The following TNS3 variants were observed in gnomAD, a reference collection of about 807,000 sequenced individuals.
The protein encoded by TNS3 is tensin-3.
A neutral mutation model predicts 140.9 loss-of-function variants in TNS3; 45 were observed. The observed-to-expected ratio is 0.32, with a 90% CI of 0.25 to 0.41. TNS3 has a LOEUF of 0.41. Among genes scored for constraint, TNS3 ranks in the 10% least tolerant of loss-of-function variants. The pLI is 1.00. For synonymous variants in TNS3, 815 were observed against 788.4 expected, an observed-to-expected ratio of 1.03 and a Z score of -0.56; for missense variants, 1,716 against 1,906.7, an observed-to-expected ratio of 0.90 and a Z score of 1.86.
At chr7:47,470,622 G>A (rs768669582) in intron 4 of TNS3, 1,361 of 985,444 alleles carry the variant, frequency 1.4e-3, no homozygotes, top group Admixed American at 2.0e-3. Flanking sequence ...CCCCAGCGCA[G>A]AGAAATGCAG....
intron 1 of TNS3, among the ~76,000 whole-genome samples, chr7:47,545,622 G>A (rs1185254491): frequency 6.6e-6 from 1 of 152,192 alleles, no homozygotes; most frequent in African/African-American, 2.4e-5. Context: ...TGGGAGGCGG[G>A]TCACCCACAG....
rs531561984 is a variant in TNS3, at chr7:47,368,477, G to A, written c.2169C>T (p.Leu723=). Residue 723 remains leucine (L), a synonymous_variant, in exon 17 of 31, where the codon CTC becomes CTT. Transcript: ENST00000311160. The stretch of plus-strand genomic sequence containing the variant: ...ACACAGAGCCATTGGCCTGGCTACC[G>A]AGGGCGTTCATGTGGGTAGGGATGG... ...FEPIPTHMNA[L]GSQANGSVSP... is the part of the protein sequence containing the mutation. 13 of 1,592,340 alleles carry A rather than the reference G, an allele frequency of 8.2e-6. No homozygotes were observed. The highest frequency in any genetic ancestry group is 4.0e-5 in the African/African-American group (3 of 74,618).
chr7:47,425,785 A>C (rs932709365), intron 9 of TNS3, among the ~76,000 whole-genome samples: 1 of 152,082 alleles, frequency 6.6e-6, no homozygotes, highest in Non-Finnish European at 1.5e-5. Flanking sequence ...TATAACTCTT[A>C]TTTCTATGGT....
At chr7:47,298,124 A>C (rs1485494102) in intron 23 of TNS3, among the ~76,000 whole-genome samples, 2 of 152,194 alleles carry the variant, frequency 1.3e-5, no homozygotes, top group African/African-American at 2.4e-5. Flanking sequence ...GATGATAGAA[A>C]GGGCATACCC....
At chr7:47,343,849 G>A (rs1789161801) in intron 20 of TNS3, among the ~76,000 whole-genome samples, 1 of 152,202 alleles carries the variant, frequency 6.6e-6, no homozygotes, top group Non-Finnish European at 1.5e-5. Context: ...AAACCATAAA[G>A]GGAATTTTAG....
At chr7:47,490,959 G>C (rs2151826974) in intron 3 of TNS3, among the ~76,000 whole-genome samples, 1 of 152,322 alleles carries the variant, frequency 6.6e-6, no homozygotes, top group Admixed American at 6.5e-5. Flanking sequence ...TCGGGAAGTA[G>C]AGGAAAGGGG....
At chr7:47,375,004 G>C (rs536469867) in intron 16 of TNS3, among the ~76,000 whole-genome samples, 26 of 152,318 alleles carry the variant, frequency 1.7e-4, no homozygotes, top group African/African-American at 6.3e-4. Flanking sequence ...GGTAAGGACA[G>C]AGTTCTAAAA....
chr7:47,533,987 T>C (rs1237291200), intron 1 of TNS3, among the ~76,000 whole-genome samples: 4 of 152,060 alleles, frequency 2.6e-5, no homozygotes, highest in Admixed American at 6.6e-5. Context: ...AATAAAGAAC[T>C]TCATGGCCAA....
chr7:47,450,481 C>T (rs1795965920), intron 4 of TNS3, among the ~76,000 whole-genome samples: 1 of 152,258 alleles, frequency 6.6e-6, no homozygotes. Flanking sequence ...CCTGTGCCTA[C>T]TCAAGTACTG....
chr7:47,495,292 G>A (rs999372860), intron 3 of TNS3, among the ~76,000 whole-genome samples: 1 of 152,054 alleles, frequency 6.6e-6, no homozygotes, highest in Non-Finnish European at 1.5e-5. Flanking sequence ...CACTGGTGCA[G>A]TCGCCAGAGA....
chr7:47,349,523 C>T (rs1226018018), intron 17 of TNS3, among the ~76,000 whole-genome samples: 1 of 152,216 alleles, frequency 6.6e-6, no homozygotes, highest in African/African-American at 2.4e-5. Context: ...AGTCAAGGCA[C>T]CTGCAAAAGC....
intron 13 of TNS3, among the ~76,000 whole-genome samples, chr7:47,409,771 C>G (rs917373118): frequency 1.3e-5 from 2 of 152,196 alleles, no homozygotes; most frequent in Non-Finnish European, 2.9e-5. Flanking sequence ...CATTCTCCTG[C>G]CTCAGCCTCC....
intron 8 of TNS3, among the ~76,000 whole-genome samples, chr7:47,429,255 T>C (rs1427599159): frequency 1.3e-5 from 2 of 152,236 alleles, no homozygotes; most frequent in Non-Finnish European, 2.9e-5. Flanking sequence ...GACTAGAACA[T>C]GGCCACTCCC....
chr7:47,467,550 G>C (rs1359913848), intron 4 of TNS3, among the ~76,000 whole-genome samples: 1 of 152,158 alleles, frequency 6.6e-6, no homozygotes, highest in African/African-American at 2.4e-5. Context: ...TGAAGTTTCA[G>C]ATTTTGAAGC....
chr7:47,398,074 A>C (rs182530143), intron 15 of TNS3, among the ~76,000 whole-genome samples: 40 of 152,310 alleles, frequency 2.6e-4, no homozygotes, highest in Admixed American at 2.4e-3. Flanking sequence ...AAATTGGTCA[A>C]TTCCTGGACA....
intron 16 of TNS3, among the ~76,000 whole-genome samples, chr7:47,378,180 CT>C (rs904004326): frequency 2.9e-4 from 44 of 152,292 alleles, no homozygotes; most frequent in African/African-American, 1.1e-3. Context: ...CCTTTCTGTG[CT>C]TTCCCCCTCT....
chr7:47,505,469 G>A (rs76500234), intron 3 of TNS3, among the ~76,000 whole-genome samples: 3,301 of 152,304 alleles, frequency 0.022, 106 homozygotes, highest in African/African-American at 0.074. Context: ...GAAAGCAAGA[G>A]GAGAAGCGCT....
At chr7:47,361,206 C>CAAAAAAAAAAAA (rs56823708) in intron 17 of TNS3, among the ~76,000 whole-genome samples, 2,034 of 46,878 alleles carry the variant, frequency 0.043, 351 homozygotes, top group Non-Finnish European at 0.064. Context: ...GTAACCATGC[C>CAAAAAAAAAAAA]AAAAAAAAAA....
chr7:47,532,441 G>A (rs1299331271), intron 1 of TNS3, among the ~76,000 whole-genome samples: 1 of 152,178 alleles, frequency 6.6e-6, no homozygotes, highest in Non-Finnish European at 1.5e-5. Context: ...GACCACAAGA[G>A]ACCAGCTGCA....
Sources: allele counts gnomAD v4.1 joint callset (sites outside exome capture counted in the v4.1 genomes callset), GRCh38; gene constraint gnomAD v4.1.1; transcripts MANE v1.5; gene names NCBI Gene and HGNC (gene_info 2026-07-23, HGNC 2026-07-21).